The following IL1RAPL2 variants were observed in gnomAD, a reference collection of about 807,000 sequenced individuals.
The protein encoded by IL1RAPL2 is X-linked interleukin-1 receptor accessory protein-like 2.
IL1RAPL2 carries 3 observed loss-of-function variants against 44.1 expected under a neutral mutation model. The observed-to-expected ratio is 0.07, with a 90% CI of 0.03 to 0.18. The LOEUF (loss-of-function observed/expected upper bound fraction) is 0.18. Ranked by LOEUF, IL1RAPL2 falls within the 10% of genes least tolerant of loss-of-function variation. IL1RAPL2 has a pLI of 1.00. For synonymous variants in IL1RAPL2, 181 were observed against 178.8 expected, an observed-to-expected ratio of 1.01 and a Z score of -0.10; for missense variants, 391 against 496.4, an observed-to-expected ratio of 0.79 and a Z score of 2.02.
At chrX:104,660,914 C>T (rs1453732473) in intron 2 of IL1RAPL2, among the ~76,000 whole-genome samples, 2 of 99,553 alleles carry the variant, frequency 2.0e-5, no homozygotes, top group Non-Finnish European at 4.0e-5. Flanking sequence ...GCCTGGGTGA[C>T]AGAACCAGAC....
chrX:105,588,289 T>C lies in IL1RAPL2; in HGVS notation c.772+103902T>C, dbSNP rs1476043563. ...GATCACCGTGTATTATTCCTTGCAA[T>C]TGCATGTGAATCTATATCTCAAAAT... On this transcript the variant is annotated intron_variant, in intron 6 of 10. Transcript: ENST00000372582. Among the ~76,000 whole-genome samples the C allele has an allele frequency of 2.7e-5, 3 of 111,517 alleles. No individual in the cohort carries two copies. The East Asian group carries it at 8.4e-4, about 31-fold the overall frequency.
At chrX:105,657,015 C>T (rs1166763304) in intron 6 of IL1RAPL2, among the ~76,000 whole-genome samples, 1 of 111,305 alleles carries the variant, frequency 9.0e-6, no homozygotes, top group East Asian at 2.8e-4. Flanking sequence ...CCATTTCCTC[C>T]GTGTCACATT....
At chrX:105,275,005 G>C (rs2034475098) in intron 5 of IL1RAPL2, among the ~76,000 whole-genome samples, 1 of 111,568 alleles carries the variant, frequency 9.0e-6, no homozygotes, top group Non-Finnish European at 1.9e-5. Flanking sequence ...GAGGTCAGGA[G>C]TTCAAGACTA....
At chrX:104,630,369 G>A (rs764351456) in intron 1 of IL1RAPL2, among the ~76,000 whole-genome samples, 1 of 110,479 alleles carries the variant, frequency 9.1e-6, no homozygotes, top group East Asian at 2.8e-4. Context: ...AGCTGCTCTC[G>A]AACTCCTGAC....
chrX:105,069,994 G>A, intron 2 of IL1RAPL2, among the ~76,000 whole-genome samples: 1 of 111,846 alleles, frequency 8.9e-6, no homozygotes, highest in Non-Finnish European at 1.9e-5. Flanking sequence ...TTCTTGATGT[G>A]GCTGTTACCT....
chrX:104,630,042 G>T (rs1320785457), intron 1 of IL1RAPL2, among the ~76,000 whole-genome samples: 1 of 111,230 alleles, frequency 9.0e-6, no homozygotes, highest in Non-Finnish European at 1.9e-5. Flanking sequence ...GGAGTGCAGT[G>T]GTGTGATCTC....
At chrX:104,585,265 A>ATATT (rs1491551706) in intron 1 of IL1RAPL2, among the ~76,000 whole-genome samples, 20 of 24,499 alleles carry the variant, frequency 8.2e-4, no homozygotes, top group Admixed American at 1.7e-3. Flanking sequence ...ATATATATAT[A>ATATT]ATATATTATA....
intron 2 of IL1RAPL2, among the ~76,000 whole-genome samples, chrX:104,982,291 A>T (rs2030456484): frequency 9.0e-6 from 1 of 111,135 alleles, no homozygotes; most frequent in Admixed American, 9.6e-5. Context: ...CTCAAAGACC[A>T]CTTTCTATAC....
At chrX:105,341,730 G>A (rs1042740175) in intron 5 of IL1RAPL2, among the ~76,000 whole-genome samples, 1 of 111,266 alleles carries the variant, frequency 9.0e-6, no homozygotes, top group Non-Finnish European at 1.9e-5. Flanking sequence ...AGGAGATCGA[G>A]ACTATCCTGG....
At chrX:105,499,052 G>A (rs1482787660) in intron 6 of IL1RAPL2, among the ~76,000 whole-genome samples, 2 of 111,323 alleles carry the variant, frequency 1.8e-5, no homozygotes, top group Admixed American at 9.6e-5. Flanking sequence ...ATGATCTGAG[G>A]TGGAAGAGTT....
At chrX:104,740,611 T>C (rs951983743) in intron 2 of IL1RAPL2, among the ~76,000 whole-genome samples, 2 of 111,453 alleles carry the variant, frequency 1.8e-5, no homozygotes, top group African/African-American at 3.2e-5. Context: ...TTTCTTTTTT[T>C]CATAGCTTAG....
chrX:105,057,475 C>T (rs987124165), intron 2 of IL1RAPL2, among the ~76,000 whole-genome samples: 17 of 111,933 alleles, frequency 1.5e-4, no homozygotes, highest in African/African-American at 4.5e-4. Flanking sequence ...TATACAGTTT[C>T]CCAGCTGATC....
At chrX:105,661,079 A>G (rs779315263) in intron 6 of IL1RAPL2, among the ~76,000 whole-genome samples, 1 of 111,802 alleles carries the variant, frequency 8.9e-6, no homozygotes, top group South Asian at 3.7e-4. Context: ...ACTAAAAATA[A>G]AGGGATGGAG....
At chrX:104,912,699 T>C (rs866275259) in intron 2 of IL1RAPL2, among the ~76,000 whole-genome samples, 2 of 111,732 alleles carry the variant, frequency 1.8e-5, no homozygotes, top group South Asian at 3.8e-4. Flanking sequence ...CATTAACTTA[T>C]CCTAAATAAG....
intron 1 of IL1RAPL2, among the ~76,000 whole-genome samples, chrX:104,579,211 A>G (rs1380360713): frequency 8.9e-6 from 1 of 111,890 alleles, no homozygotes; most frequent in Non-Finnish European, 1.9e-5. Context: ...ACCTAAAAGC[A>G]AAAATACCAT....
chrX:105,557,018 G>A (rs2036901117), intron 6 of IL1RAPL2, among the ~76,000 whole-genome samples: 1 of 111,924 alleles, frequency 8.9e-6, no homozygotes, highest in South Asian at 3.7e-4. Context: ...CAAAGCATAG[G>A]GCTATAAATT....
intron 2 of IL1RAPL2, among the ~76,000 whole-genome samples, chrX:104,789,332 C>A (rs1031094373): frequency 5.4e-5 from 6 of 111,507 alleles, no homozygotes; most frequent in African/African-American, 2.0e-4. Context: ...GTCTATTTTG[C>A]CATCTTTATG....
chrX:104,636,416 G>A (rs753146126), intron 1 of IL1RAPL2, among the ~76,000 whole-genome samples: 18 of 112,482 alleles, frequency 1.6e-4, no homozygotes, highest in Non-Finnish European at 2.8e-4. Flanking sequence ...GCTGCATTTT[G>A]TTTTGCAGTG....
chrX:104,976,210 G>C (rs753235823), intron 2 of IL1RAPL2, among the ~76,000 whole-genome samples: 1 of 111,445 alleles, frequency 9.0e-6, no homozygotes, highest in Non-Finnish European at 1.9e-5. Flanking sequence ...TGCTCCAATA[G>C]CTTAAAAGAC....
Sources: gnomAD v4.1 joint callset for allele counts (sites outside exome capture counted in the v4.1 genomes callset) on GRCh38, gnomAD v4.1.1 for gene constraint, MANE v1.5 for transcripts, NCBI Gene and HGNC (gene_info 2026-07-23, HGNC 2026-07-21) for gene names.